ADAMTS9: variants seen among roughly 807,000 people sequenced by gnomAD.
The protein encoded by ADAMTS9 is ADAM metallopeptidase with thrombospondin type 1 motif 9, also known as A disintegrin and metalloproteinase with thrombospondin motifs 9.
In ADAMTS9, 107 loss-of-function variants were observed where a neutral mutation model predicts 257.1. The ratio of observed to expected loss-of-function variants is 0.42; its 90% confidence interval spans 0.36 to 0.49. ADAMTS9 has a LOEUF of 0.49. Among genes scored for constraint, ADAMTS9 ranks in the 20% least tolerant of loss-of-function variants. ADAMTS9 has a pLI of 0.03. For synonymous variants in ADAMTS9, 982 were observed against 880.9 expected, an observed-to-expected ratio of 1.11 and a Z score of -2.03; for missense variants, 2,353 against 2,469.1, an observed-to-expected ratio of 0.95 and a Z score of 1.00.
rs192852784 is a variant in ADAMTS9 at position 64,592,640 on chromosome 3, A to G, written c.4356+1618T>C. 29 of 152,338 alleles carry G rather than the reference A, an allele frequency of 1.9e-4. No homozygotes were observed. The East Asian group carries it at 4.6e-3, about 24-fold the overall frequency. 9.4% of individuals were successfully genotyped at this position (152,338 alleles called of 1,614,324 possible). A position where few individuals can be genotyped will look rare whatever the true frequency, so the allele number is the denominator to read the frequency against. On this transcript the variant is annotated intron_variant, in intron 28 of 39. Coordinates refer to ENST00000498707, the MANE Select transcript of ADAMTS9 (RefSeq NM_182920.2). The stretch of plus-strand genomic sequence containing the variant: ...AATAATTCTTCCTGGAGAGGTAAAT[A>G]TAGAATAATCAATGGAACTGAGATG...
At chr3:64,523,301 T>C (rs2082873778) in intron 38 of ADAMTS9, among the ~76,000 whole-genome samples, 2 of 152,242 alleles carry the variant, frequency 1.3e-5, no homozygotes, top group Admixed American at 1.3e-4. Context: ...CCACACATAT[T>C]ACTGATGTTA....
chr3:64,565,164 C>T (rs990955981), intron 29 of ADAMTS9, among the ~76,000 whole-genome samples: 3 of 152,168 alleles, frequency 2.0e-5, no homozygotes, highest in Non-Finnish European at 2.9e-5. Context: ...ATATGGCTTC[C>T]TTAATTTCTC....
At position 64,620,665 on chromosome 3, in the gene ADAMTS9, C is replaced by T. The variant is rs74561867; in HGVS notation, c.2813+449G>A. On this transcript the variant is annotated intron_variant, in intron 19 of 39. Coordinates refer to ENST00000498707, the MANE Select transcript of ADAMTS9 (RefSeq NM_182920.2). Reference sequence around the variant, plus strand: ...CATTTTCTTCTTGTTTCTTCCATGACGCTACCTTAGTGTACTGCAACTTTC... The same window carrying T: ...CATTTTCTTCTTGTTTCTTCCATGATGCTACCTTAGTGTACTGCAACTTTC... 3.5e-3 allele frequency among the ~76,000 whole-genome samples: 526 copies of T among 152,184 alleles called. 12 individuals are homozygous for T. In the East Asian group the frequency reaches 0.044, roughly 13 times the overall value.
intron 22 of ADAMTS9, among the ~76,000 whole-genome samples, chr3:64,609,677 AT>A (rs760673556): frequency 2.6e-5 from 4 of 152,210 alleles, no homozygotes; most frequent in Non-Finnish European, 4.4e-5. Context: ...GGATTAAAAG[AT>A]TTAGTATTGC....
chr3:64,598,475 A>G (rs2084403594), intron 26 of ADAMTS9, among the ~76,000 whole-genome samples: 1 of 151,854 alleles, frequency 6.6e-6, no homozygotes, highest in African/African-American at 2.4e-5. Context: ...ACACTACCAC[A>G]CCTGGGTAAA....
intron 11 of ADAMTS9, among the ~76,000 whole-genome samples, chr3:64,644,597 T>TTC (rs772366362): frequency 1.1e-4 from 17 of 152,186 alleles, no homozygotes; most frequent in Non-Finnish European, 1.9e-4. Context: ...CTGGGTAGGA[T>TTC]TCCTGAAGAG....
In ADAMTS9 at chr3:64,576,002, G is replaced by C. The variant is rs1016202829; in HGVS notation, c.4357-7467C>G. On this transcript the variant is annotated intron_variant, in intron 28 of 39. Coordinates refer to ENST00000498707, the MANE Select transcript of ADAMTS9 (RefSeq NM_182920.2). ...ATAGGTAAAGGTGGGACTTTGGCAA[G>C]ATCTCATCCCTGTGAATGGGCAAAG... Among the ~76,000 whole-genome samples the C allele has an allele frequency of 3.9e-5, 6 of 152,188 alleles. 1 individual carries two copies. The highest frequency in any genetic ancestry group is 7.3e-5 in the Non-Finnish European group (5 of 68,028).
chr3:64,621,064 C>A (rs753572512), intron 19 of ADAMTS9, 50 bp downstream of exon 19: 2 of 1,564,058 alleles, frequency 1.3e-6, no homozygotes, highest in East Asian at 4.5e-5. Flanking sequence ...GGACCTCCTG[C>A]AAGACTCTCA....
intron 11 of ADAMTS9, among the ~76,000 whole-genome samples, chr3:64,646,524 G>A (rs1303352909): frequency 1.3e-5 from 2 of 152,092 alleles, no homozygotes; most frequent in South Asian, 2.1e-4. Context: ...AAGCTATTAC[G>A]CTTGTATCCG....
At chr3:64,597,363 C>T (rs2106797189) in intron 26 of ADAMTS9, among the ~76,000 whole-genome samples, 1 of 152,310 alleles carries the variant, frequency 6.6e-6, no homozygotes, top group East Asian at 1.9e-4. Context: ...CTTTTCAAAA[C>T]TTCAAGTGCC....
At chr3:64,622,936 A>G (rs1576128696) in intron 16 of ADAMTS9, among the ~76,000 whole-genome samples, 1 of 152,338 alleles carries the variant, frequency 6.6e-6, no homozygotes, top group East Asian at 1.9e-4. Context: ...TGTTTATATG[A>G]TTTGAAAATA....
intron 37 of ADAMTS9, among the ~76,000 whole-genome samples, chr3:64,538,518 T>G (rs1362272233): frequency 1.3e-5 from 2 of 152,146 alleles, no homozygotes; most frequent in Non-Finnish European, 2.9e-5. Flanking sequence ...AACTAATATT[T>G]TGAAAAAGTC....
At chr3:64,659,727 C>T (rs1016229168) in intron 3 of ADAMTS9, among the ~76,000 whole-genome samples, 5 of 152,046 alleles carry the variant, frequency 3.3e-5, no homozygotes, top group Non-Finnish European at 7.4e-5. Context: ...AATTAAACTC[C>T]GAGAGTCTGG....
At chr3:64,569,270 A>T (rs2083618996) in intron 28 of ADAMTS9, among the ~76,000 whole-genome samples, 1 of 152,206 alleles carries the variant, frequency 6.6e-6, no homozygotes, top group Non-Finnish European at 1.5e-5. Context: ...AGCTTCTTGT[A>T]AAACAGGCAA....
intron 6 of ADAMTS9, among the ~76,000 whole-genome samples, chr3:64,655,033 C>T (rs762859165): frequency 2.0e-5 from 3 of 152,186 alleles, no homozygotes. Context: ...TAAGCCAGCA[C>T]GCGTCTTTGT....
intron 37 of ADAMTS9, among the ~76,000 whole-genome samples, chr3:64,533,912 T>C (rs1201295533): frequency 6.6e-6 from 1 of 152,168 alleles, no homozygotes; most frequent in Non-Finnish European, 1.5e-5. Context: ...TTTCAGAACA[T>C]GGCCTCTGGT....
At chr3:64,583,316 C>T (rs1157665746) in intron 28 of ADAMTS9, 1 of 152,192 alleles carries the variant, frequency 6.6e-6, no homozygotes. Context: ...ATATTTTCAG[C>T]TCATCCTTGA....
chr3:64,574,994 T>C (rs2083799427), intron 28 of ADAMTS9, among the ~76,000 whole-genome samples: 1 of 152,284 alleles, frequency 6.6e-6, no homozygotes, highest in South Asian at 2.1e-4. Context: ...AGAAAGACAC[T>C]ATAAAAAGCA....
intron 23 of ADAMTS9, 32 bp downstream of exon 23, chr3:64,606,928 G>C: frequency 6.2e-7 from 1 of 1,611,962 alleles, no homozygotes; most frequent in Middle Eastern, 1.7e-4. Context: ...GGTCCCCAAA[G>C]TCAATAACTG....
Sources: allele counts gnomAD v4.1 joint callset (sites outside exome capture counted in the v4.1 genomes callset), GRCh38; gene constraint gnomAD v4.1.1; transcripts MANE v1.5; gene names NCBI Gene and HGNC (gene_info 2026-07-23, HGNC 2026-07-21).